The following POU6F2 variants were observed in gnomAD, a reference collection of about 807,000 sequenced individuals.
The protein encoded by POU6F2 is POU domain, class 6, transcription factor 2.
A neutral mutation model predicts 71.3 loss-of-function variants in POU6F2; 31 were observed. The observed-to-expected ratio is 0.43, with a 90% CI of 0.33 to 0.59. The LOEUF (loss-of-function observed/expected upper bound fraction) is 0.59, where lower values mean the gene tolerates loss of function less well. Among genes scored for constraint, POU6F2 ranks in the 20% least tolerant of loss-of-function variants. POU6F2 has a pLI of 0.04. For synonymous variants in POU6F2, 347 were observed against 355.7 expected, an observed-to-expected ratio of 0.98 and a Z score of 0.27; for missense variants, 783 against 856.8, an observed-to-expected ratio of 0.91 and a Z score of 1.07.
chr7:39,266,773 A>ATATATC (rs5883682), intron 4 of POU6F2, among the ~76,000 whole-genome samples: 7 of 147,444 alleles, frequency 4.7e-5, no homozygotes, highest in African/African-American at 1.8e-4. Flanking sequence ...TTTGATATAT[A>ATATATC]TATGTTGTAT....
At chr7:39,252,821 A>T (rs1160393458) in intron 4 of POU6F2, among the ~76,000 whole-genome samples, 1 of 151,970 alleles carries the variant, frequency 6.6e-6, no homozygotes, top group Non-Finnish European at 1.5e-5. Context: ...TATGTAGAAA[A>T]CGGCACCCCC....
chr7:39,197,007 G>T (rs1793801620), intron 2 of POU6F2, among the ~76,000 whole-genome samples: 1 of 152,210 alleles, frequency 6.6e-6, no homozygotes. Context: ...GAACCCCATG[G>T]CTGGGATTTA....
Position 39,467,955 on chromosome 7 carries a change from GAAA to G in POU6F2, c.*3277_*3279del, listed in dbSNP as rs571373736. ...CAATACTAAACTGTTCCTATTTTAA[GAAA>G]AAAAAAAGAAATACAAACTGTTCAT... On this transcript the variant is annotated 3_prime_UTR_variant, in exon 10 of 10. Coordinates refer to ENST00000518318, the MANE Select transcript of POU6F2 (RefSeq NM_001370959.1). 6.9e-6 allele frequency: 1 copy of G among 145,348 alleles called. No individual in the cohort carries two copies. Among genetic ancestry groups the G allele is most frequent in the South Asian group, 2.2e-4 (1 of 4,600 alleles). The allele number at this position is 145,348 out of a possible 1,614,324, so 9.0% of individuals were successfully genotyped here.
At chr7:38,996,035 C>CTTTTTTTTTTTTTTTTTTTT (rs5883669) in intron 1 of POU6F2, among the ~76,000 whole-genome samples, 1 of 85,390 alleles carries the variant, frequency 1.2e-5, no homozygotes, top group East Asian at 4.8e-4. Context: ...AGGGGCTTGG[C>CTTTTTTTTTTTTTTTTTTTT]TTTTTTTTTT....
intron 5 of POU6F2, among the ~76,000 whole-genome samples, chr7:39,355,847 A>C (rs539479593): frequency 1.3e-5 from 2 of 152,208 alleles, no homozygotes; most frequent in African/African-American, 4.8e-5. Flanking sequence ...AAATGAGTAG[A>C]TAATTCTAAA....
chr7:39,446,035 C>A (rs1232444642), intron 7 of POU6F2, among the ~76,000 whole-genome samples: 1 of 152,192 alleles, frequency 6.6e-6, no homozygotes, highest in Non-Finnish European at 1.5e-5. Flanking sequence ...GCTCTAACAG[C>A]CCTCCAGGTG....
At chr7:39,309,338 C>G (rs1425027986) in intron 4 of POU6F2, among the ~76,000 whole-genome samples, 1 of 152,238 alleles carries the variant, frequency 6.6e-6, no homozygotes, top group Non-Finnish European at 1.5e-5. Flanking sequence ...CATTTGCTCT[C>G]TGTCCTCTCT....
chr7:39,108,278 A>ATT (rs60224148), intron 2 of POU6F2, among the ~76,000 whole-genome samples: 114 of 148,462 alleles, frequency 7.7e-4, no homozygotes, highest in East Asian at 1.4e-3. Context: ...CCCTTCAATT[A>ATT]TTTTTTTTTT....
chr7:39,157,108 T>C (rs1792885781), intron 2 of POU6F2, among the ~76,000 whole-genome samples: 1 of 152,214 alleles, frequency 6.6e-6, no homozygotes, highest in African/African-American at 2.4e-5. Context: ...TAGAATTGAA[T>C]ACCGAGGCAG....
At chr7:39,439,822 T>C (rs1005537483) in intron 7 of POU6F2, among the ~76,000 whole-genome samples, 2 of 152,090 alleles carry the variant, frequency 1.3e-5, no homozygotes, top group African/African-American at 4.8e-5. Context: ...CTGGTACCAG[T>C]TTTTCCTTTC....
At chr7:39,059,714 A>G (rs947137901) in intron 1 of POU6F2, among the ~76,000 whole-genome samples, 6 of 152,214 alleles carry the variant, frequency 3.9e-5, no homozygotes, top group African/African-American at 1.4e-4. Context: ...AGGTTTGTAT[A>G]AAAACTTGTA....
intron 1 of POU6F2, among the ~76,000 whole-genome samples, chr7:39,079,381 G>A (rs1256898845): frequency 6.6e-6 from 1 of 151,810 alleles, no homozygotes; most frequent in African/African-American, 2.4e-5. Flanking sequence ...GTTCCACCGT[G>A]TTGGCCAGAC....
chr7:39,015,886 ATATATTATATATAGATATATATT>A (rs1562670834), intron 1 of POU6F2, among the ~76,000 whole-genome samples: 5 of 86,972 alleles, frequency 5.7e-5, no homozygotes, highest in Non-Finnish European at 8.0e-5. Context: ...GATATATATT[ATATATTATATATAGATATATATT>A]ATATATTATA....
intron 2 of POU6F2, among the ~76,000 whole-genome samples, chr7:39,133,888 GT>G (rs1562718455): frequency 1.3e-5 from 2 of 151,936 alleles, no homozygotes; most frequent in African/African-American, 4.8e-5. Context: ...TTTTCTTTCT[GT>G]TTTTTTAGAC....
rs1307244646 is a variant in POU6F2, at chr7:39,460,370, T to C, written c.1490-177T>C. On this transcript the variant is annotated intron_variant, in intron 8 of 9. Transcript: ENST00000518318. The surrounding 1 kb of genome is among the most constrained non-coding windows in gnomAD (Gnocchi z 4.4). Reference sequence around the variant, plus strand: ...CGAAGGATGATTTGTGGAGGTGTAATGAGTTGCGGATGGAGTGTTGGGTGT... The same window carrying C: ...CGAAGGATGATTTGTGGAGGTGTAACGAGTTGCGGATGGAGTGTTGGGTGT... 6.6e-6 allele frequency among the ~76,000 whole-genome samples: 1 copy of C among 152,128 alleles called. No homozygotes were observed. The highest frequency in any genetic ancestry group is 1.5e-5 in the Non-Finnish European group (1 of 68,026).
intron 1 of POU6F2, among the ~76,000 whole-genome samples, chr7:39,011,882 C>T (rs1453861867): frequency 6.6e-6 from 1 of 151,428 alleles, no homozygotes; most frequent in Admixed American, 6.6e-5. Context: ...AGGGTTTCTG[C>T]CGAGAGATCC....
chr7:39,092,308 G>C (rs555270376), intron 2 of POU6F2, among the ~76,000 whole-genome samples: 6 of 152,114 alleles, frequency 3.9e-5, no homozygotes, highest in Admixed American at 3.9e-4. Flanking sequence ...TTAATATCCA[G>C]CCTGGCTCTG....
chr7:39,133,936 A>G (rs1792339720), intron 2 of POU6F2, among the ~76,000 whole-genome samples: 1 of 152,074 alleles, frequency 6.6e-6, no homozygotes, highest in Non-Finnish European at 1.5e-5. Context: ...GTACAGTGGC[A>G]TGATCATGGC....
chr7:39,154,338 C>A (rs1203817618), intron 2 of POU6F2, among the ~76,000 whole-genome samples: 2 of 152,040 alleles, frequency 1.3e-5, no homozygotes, highest in Admixed American at 6.6e-5. Flanking sequence ...GGTATATAAG[C>A]TCTCTTGGCC....
Sources: allele counts gnomAD v4.1 joint callset (sites outside exome capture counted in the v4.1 genomes callset), GRCh38; gene constraint gnomAD v4.1.1; non-coding constraint Gnocchi (gnomAD v3.1); transcripts MANE v1.5; gene names NCBI Gene and HGNC (gene_info 2026-07-23, HGNC 2026-07-21).